Variants in PIP4K2A observed in about 807,000 individuals in gnomAD.
PIP4K2A encodes the protein phosphatidylinositol-5-phosphate 4-kinase type 2 alpha.
In PIP4K2A, 14 loss-of-function variants were observed where a neutral mutation model predicts 42.9. That is an observed-to-expected ratio of 0.33 (90% CI 0.22 to 0.51). The LOEUF is 0.51. Ranked by LOEUF, PIP4K2A falls within the 20% of genes least tolerant of loss-of-function variation. The probability of loss-of-function intolerance (pLI) is 0.97; values close to 1 mark genes in which losing one functional copy is unlikely to be tolerated. For synonymous variants in PIP4K2A, 192 were observed against 192.2 expected (o/e 1.00, Z 0.01); for missense variants, 434 against 519.8 (o/e 0.83, Z 1.61).
intron 4 of PIP4K2A, among the ~76,000 whole-genome samples, chr10:22,586,067 G>A (rs1405994471): frequency 1.3e-5 from 2 of 152,132 alleles, no homozygotes; most frequent in African/African-American, 4.8e-5. Context: ...ACATTGTTTA[G>A]TTAATCAACT....
At chr10:22,646,524 C>A (rs1040706013) in intron 1 of PIP4K2A, among the ~76,000 whole-genome samples, 5 of 152,056 alleles carry the variant, frequency 3.3e-5, no homozygotes, top group Admixed American at 2.6e-4. Context: ...GCCTTGCTCT[C>A]TGAAAAGACA....
chr10:22,537,994 G>A (rs1328739546), intron 9 of PIP4K2A, among the ~76,000 whole-genome samples: 4 of 152,204 alleles, frequency 2.6e-5, no homozygotes, highest in African/African-American at 4.8e-5. Context: ...GCAGAAGCAC[G>A]GTGAGGGATT....
At chr10:22,591,196 G>C (rs1276143851) in intron 4 of PIP4K2A, among the ~76,000 whole-genome samples, 1 of 152,250 alleles carries the variant, frequency 6.6e-6, no homozygotes, top group Admixed American at 6.5e-5. Context: ...AGCAGATTGT[G>C]AATGGCGTGG....
intron 1 of PIP4K2A, among the ~76,000 whole-genome samples, chr10:22,704,426 C>T (rs148248975): frequency 1.8e-4 from 27 of 152,112 alleles, no homozygotes; most frequent in African/African-American, 5.5e-4. Context: ...GGTAAGTTGA[C>T]GGTTGCCAGG....
intron 1 of PIP4K2A, among the ~76,000 whole-genome samples, chr10:22,665,015 A>G (rs957232046): frequency 2.6e-5 from 4 of 152,256 alleles, no homozygotes; most frequent in African/African-American, 9.6e-5. Context: ...ACATTATTGT[A>G]ATAGCAATAC....
intron 4 of PIP4K2A, among the ~76,000 whole-genome samples, chr10:22,587,435 A>G (rs1307161266): frequency 6.6e-6 from 1 of 152,264 alleles, no homozygotes; most frequent in Non-Finnish European, 1.5e-5. Context: ...AAGAAACAGA[A>G]GAAATGATGA....
At chr10:22,591,831 T>C in intron 3 of PIP4K2A, 50 bp from the exon 4 acceptor site, 1 of 1,471,832 alleles carries the variant, frequency 6.8e-7, no homozygotes, top group Non-Finnish European at 9.2e-7. Context: ...GATAACTAGT[T>C]AAAGGTGTGG....
intron 1 of PIP4K2A, among the ~76,000 whole-genome samples, chr10:22,610,579 C>G (rs904734700): frequency 6.6e-6 from 1 of 152,094 alleles, no homozygotes; most frequent in Non-Finnish European, 1.5e-5. Flanking sequence ...CTTGATAGAG[C>G]TATTTGTTTT....
In PIP4K2A at chr10:22,594,482, A is replaced by T. The variant is rs190626184; in HGVS notation, c.340-2701T>A. Among the ~76,000 whole-genome samples the T allele has an allele frequency of 5.3e-5, 8 of 152,248 alleles. No homozygotes were observed. The East Asian group carries it at 1.5e-3, about 29-fold the overall frequency. ...GCGATCTTGGCTCACTGCAGCCTTG[A>T]TCTCCTGGACTCAAGTGATTCTCGT... On this transcript the variant is annotated intron_variant, in intron 3 of 9. Transcript: ENST00000376573.
At chr10:22,594,399 T>C (rs1306732406) in intron 3 of PIP4K2A, among the ~76,000 whole-genome samples, 1 of 152,194 alleles carries the variant, frequency 6.6e-6, no homozygotes, top group Non-Finnish European at 1.5e-5. Flanking sequence ...ACAGGGTTTT[T>C]TATTTTTATT....
intron 1 of PIP4K2A, among the ~76,000 whole-genome samples, chr10:22,664,078 T>TATATATATAC (rs1564459824): frequency 1.5e-5 from 1 of 66,374 alleles, no homozygotes; most frequent in African/African-American, 1.2e-4. Context: ...TATATATACG[T>TATATATATAC]ATATATATAT....
intron 1 of PIP4K2A, among the ~76,000 whole-genome samples, chr10:22,674,779 C>CA (rs1375900269): frequency 7.3e-6 from 1 of 136,592 alleles, no homozygotes; most frequent in African/African-American, 2.8e-5. Context: ...CAGTCTCTAC[C>CA]AAAAAATAAA....
intron 1 of PIP4K2A, among the ~76,000 whole-genome samples, chr10:22,685,802 C>T (rs538485258): frequency 2.0e-5 from 3 of 152,136 alleles, no homozygotes; most frequent in Non-Finnish European, 2.9e-5. Flanking sequence ...TCCTATCACT[C>T]GTCTGGTGCC....
At chr10:22,689,786 A>C (rs1192113027) in intron 1 of PIP4K2A, among the ~76,000 whole-genome samples, 2 of 152,210 alleles carry the variant, frequency 1.3e-5, no homozygotes, top group Non-Finnish European at 2.9e-5. Flanking sequence ...ACATATGAGA[A>C]CAACCAACCA....
chr10:22,643,269 T>C (rs1639758951), intron 1 of PIP4K2A, among the ~76,000 whole-genome samples: 1 of 152,198 alleles, frequency 6.6e-6, no homozygotes, highest in South Asian at 2.1e-4. Context: ...CGCTGGCTGC[T>C]TTTGTCAATA....
intron 1 of PIP4K2A, among the ~76,000 whole-genome samples, chr10:22,655,570 T>C (rs1342152618): frequency 6.6e-6 from 1 of 152,248 alleles, no homozygotes; most frequent in Non-Finnish European, 1.5e-5. Context: ...ATGTATTTCC[T>C]TCTAGGCTTT....
intron 6 of PIP4K2A, among the ~76,000 whole-genome samples, chr10:22,561,413 G>A (rs754033482): frequency 1.6e-4 from 24 of 151,918 alleles, no homozygotes; most frequent in Non-Finnish European, 3.2e-4. Context: ...CACCTATAAC[G>A]CTAAATATTT....
chr10:22,682,535 A>T (rs960712511), intron 1 of PIP4K2A, among the ~76,000 whole-genome samples: 2 of 151,546 alleles, frequency 1.3e-5, no homozygotes, highest in Non-Finnish European at 2.9e-5. Flanking sequence ...CCATGAACCT[A>T]AAAAAAAAGT....
intron 1 of PIP4K2A, among the ~76,000 whole-genome samples, chr10:22,644,214 C>T (rs537118636): frequency 1.3e-5 from 2 of 152,172 alleles, no homozygotes; most frequent in South Asian, 2.1e-4. Flanking sequence ...CCCAAACTCC[C>T]GGAGTTGACT....
Sources: allele counts gnomAD v4.1 joint callset (sites outside exome capture counted in the v4.1 genomes callset), GRCh38; gene constraint gnomAD v4.1.1; transcripts MANE v1.5; gene names NCBI Gene and HGNC (gene_info 2026-07-23, HGNC 2026-07-21).